Variants in DNAI4 observed in about 807,000 individuals in gnomAD.
DNAI4 encodes dynein axonemal intermediate chain 4.
DNAI4 carries 85 observed loss-of-function variants against 105.8 expected under a neutral mutation model. The observed-to-expected ratio is 0.80, with a 90% confidence interval of 0.67 to 0.96. The LOEUF (loss-of-function observed/expected upper bound fraction) is 0.96, where lower values mean the gene tolerates loss of function less well. DNAI4 is among the 40% of genes least tolerant of loss of function. The pLI is 0.00. For synonymous variants in DNAI4, 352 were observed against 331.5 expected, an observed-to-expected ratio of 1.06 and a Z score of -0.67; for missense variants, 1,014 against 1,005.6, an observed-to-expected ratio of 1.01 and a Z score of -0.11.
chr1:66,814,233 T>C (rs1275251560), intron 16 of DNAI4, 53 bp from the exon 17 acceptor site: 4 of 1,383,464 alleles, frequency 2.9e-6, no homozygotes, highest in South Asian at 2.5e-5. Flanking sequence ...AATTAAAAGG[T>C]AAAGTAGTCT....
chr1:66,920,045 A>T (rs1650352631), intron 1 of DNAI4, among the ~76,000 whole-genome samples: 1 of 152,158 alleles, frequency 6.6e-6, no homozygotes, highest in African/African-American at 2.4e-5. Context: ...GAGAACATAC[A>T]TCTGTGTTTT....
chr1:66,835,706 A>C lies in DNAI4; in HGVS notation c.1653T>G (p.Leu551=). Residue 551 remains leucine (L), a synonymous_variant, in exon 11 of 17, where the codon CTT becomes CTG. Coordinates refer to ENST00000371026, the MANE Select transcript of DNAI4 (RefSeq NM_024763.5). ...TGCCATTGTGATAGCCAACGGCTAA[A>C]AGGTTAGGTGCTCCAATTGAAAAAT... The part of the protein sequence containing the change: ...AVDFSIGAPN[L]LAVGYHNGTI... 1 of 1,614,068 alleles carries C rather than the reference A, an allele frequency of 6.2e-7. No individual in the cohort carries two copies. Among genetic ancestry groups the C allele is most frequent in the East Asian group, 2.2e-5 (1 of 44,870 alleles).
intron 13 of DNAI4, among the ~76,000 whole-genome samples, chr1:66,829,098 A>T (rs951668479): frequency 6.6e-6 from 1 of 152,202 alleles, no homozygotes; most frequent in African/African-American, 2.4e-5. Context: ...TCAAGGGCTT[A>T]GTCCAAAGTA....
chr1:66,902,525 A>C (rs554953555), intron 2 of DNAI4, among the ~76,000 whole-genome samples: 3 of 152,236 alleles, frequency 2.0e-5, no homozygotes, highest in Admixed American at 2.0e-4. Context: ...TCACTCTGTT[A>C]ATGTCTTTTG....
rs759268306 is a variant in DNAI4, at chr1:66,826,829, T to C, written c.2330A>G (p.His777Arg). ...NENRVEIWDL[H>R]ISTLDPLIVN... ...AAAAATAGTAACTTACGTGCTGATA[T>C]GAAGGTCCCAAATCTCCACCCTGTT... The change falls in exon 15 of 17, where the codon CAT becomes CGT. Residue 777 changes from histidine to arginine, a missense_variant. Transcript: ENST00000371026. 14 of 1,613,838 alleles carry C rather than the reference T, an allele frequency of 8.7e-6. No homozygotes were observed. The Admixed American group carries it at 2.3e-4, about 27-fold the overall frequency.
At chr1:66,908,435 G>A (rs58468968) in intron 1 of DNAI4, among the ~76,000 whole-genome samples, 61,080 of 152,016 alleles carry the variant, frequency 0.4, 13,544 homozygotes, top group East Asian at 0.71. Flanking sequence ...CCAAATCTCA[G>A]ACCAAGAGGG....
chr1:66,871,983 T>C (rs781347931), intron 5 of DNAI4, among the ~76,000 whole-genome samples: 2 of 152,156 alleles, frequency 1.3e-5, no homozygotes, highest in Non-Finnish European at 2.9e-5. Flanking sequence ...TTATGAATAA[T>C]TTTTTATAAA....
At chr1:66,845,113 C>G (rs1421005376) in intron 8 of DNAI4, among the ~76,000 whole-genome samples, 2 of 149,510 alleles carry the variant, frequency 1.3e-5, no homozygotes, top group African/African-American at 5.0e-5. Context: ...ATCACTGGAA[C>G]CCAGGAGGTG....
intron 2 of DNAI4, among the ~76,000 whole-genome samples, chr1:66,896,892 T>G (rs565523651): frequency 6.6e-6 from 1 of 152,220 alleles, no homozygotes; most frequent in South Asian, 2.1e-4. Flanking sequence ...TACCAAGAAG[T>G]GGGACTAATA....
At chr1:66,878,232 C>A (rs1646999089) in intron 4 of DNAI4, among the ~76,000 whole-genome samples, 1 of 152,062 alleles carries the variant, frequency 6.6e-6, no homozygotes, top group African/African-American at 2.4e-5. Flanking sequence ...GGGTTATAAT[C>A]CAATTCTACA....
chr1:66,814,401 G>A (rs1433687218), intron 16 of DNAI4, among the ~76,000 whole-genome samples: 6 of 151,614 alleles, frequency 4.0e-5, no homozygotes, highest in Admixed American at 1.3e-4. Flanking sequence ...ACAGAGTCTT[G>A]CTCTGTCGCC....
chr1:66,858,185 T>G (rs1306586071), intron 7 of DNAI4, among the ~76,000 whole-genome samples: 1 of 151,986 alleles, frequency 6.6e-6, no homozygotes, highest in Admixed American at 6.6e-5. Flanking sequence ...CAAAACCAGA[T>G]GAAGACATTA....
intron 7 of DNAI4, among the ~76,000 whole-genome samples, chr1:66,860,448 A>AT (rs1646601623): frequency 6.6e-6 from 1 of 152,022 alleles, no homozygotes; most frequent in Admixed American, 6.6e-5. Flanking sequence ...TTTGATCTGA[A>AT]TTTCCTTTAC....
chr1:66,912,910 G>C (rs541526990), intron 1 of DNAI4, among the ~76,000 whole-genome samples: 30 of 152,272 alleles, frequency 2.0e-4, no homozygotes, highest in African/African-American at 5.8e-4. Flanking sequence ...ACCCCCTTCA[G>C]AGAATCCCTG....
chr1:66,872,205 T>TTTTA (rs965236078), intron 5 of DNAI4, among the ~76,000 whole-genome samples: 2 of 127,710 alleles, frequency 1.6e-5, no homozygotes, highest in Non-Finnish European at 3.3e-5. Flanking sequence ...TTTCAGGTTA[T>TTTTA]TTTATTTATT....
chr1:66,875,126 A>G lies in DNAI4; in HGVS notation c.644-189T>C, dbSNP rs1006060790. Among the ~76,000 whole-genome samples, 11 of 152,266 alleles carry G rather than the reference A, an allele frequency of 7.2e-5. 2 individuals carry two copies. The highest frequency in any genetic ancestry group is 1.3e-4 in the Admixed American group (2 of 15,296). On this transcript the variant is annotated intron_variant, in intron 4 of 16. Transcript: ENST00000371026. The stretch of plus-strand genomic sequence containing the variant: ...GCCAAATTGGATCTTGTAGGCCATA[A>G]ACAGCCTTCTTGCTGACATAACAAG...
chr1:66,842,086 T>C (rs754854025), intron 8 of DNAI4, among the ~76,000 whole-genome samples: 7 of 152,234 alleles, frequency 4.6e-5, no homozygotes, highest in African/African-American at 7.2e-5. Context: ...TCACACAGTA[T>C]GTGGCCTTTC....
At chr1:66,901,584 A>T (rs1648824778) in intron 2 of DNAI4, among the ~76,000 whole-genome samples, 1 of 152,188 alleles carries the variant, frequency 6.6e-6, no homozygotes, top group Non-Finnish European at 1.5e-5. Flanking sequence ...TTGTGTATAT[A>T]TACCACTTTT....
At chr1:66,889,122 T>C (rs1484755239) in intron 4 of DNAI4, among the ~76,000 whole-genome samples, 1 of 152,178 alleles carries the variant, frequency 6.6e-6, no homozygotes, top group Non-Finnish European at 1.5e-5. Context: ...CCAAACCCTT[T>C]CTCTCTCTCC....
Sources: gnomAD v4.1 joint callset for allele counts (sites outside exome capture counted in the v4.1 genomes callset) on GRCh38, gnomAD v4.1.1 for gene constraint, MANE v1.5 for transcripts, NCBI Gene and HGNC (gene_info 2026-07-23, HGNC 2026-07-21) for gene names.